Variants in PBX1 observed in about 807,000 individuals in gnomAD.
The protein encoded by PBX1 is pre-B-cell leukemia transcription factor 1.
A neutral mutation model predicts 53.4 loss-of-function variants in PBX1; 6 were observed. The observed-to-expected ratio is 0.11, with a 90% confidence interval of 0.06 to 0.22. The LOEUF is 0.22. PBX1 is among the 10% of genes least tolerant of loss of function. The pLI is 1.00. For synonymous variants in PBX1, 204 were observed against 212.3 expected, an observed-to-expected ratio of 0.96 and a Z score of 0.34; for missense variants, 251 against 551.4, an observed-to-expected ratio of 0.46 and a Z score of 5.46.
intron 2 of PBX1, among the ~76,000 whole-genome samples, chr1:164,576,546 C>A (rs565326034): frequency 6.6e-6 from 1 of 152,368 alleles, no homozygotes; most frequent in African/African-American, 2.4e-5. Context: ...GCGCGGACCG[C>A]GAAGCCAAGT....
chr1:164,609,619 G>A (rs1357495071), intron 2 of PBX1, among the ~76,000 whole-genome samples: 1 of 151,992 alleles, frequency 6.6e-6, no homozygotes, highest in East Asian at 1.9e-4. Flanking sequence ...TTCTTCTAGA[G>A]TACTAGGGAC....
At chr1:164,607,105 T>A (rs1384851551) in intron 2 of PBX1, among the ~76,000 whole-genome samples, 1 of 152,130 alleles carries the variant, frequency 6.6e-6, no homozygotes, top group African/African-American at 2.4e-5. Context: ...GTAAGTAGAT[T>A]GGGGTCAGAT....
chr1:164,669,789 C>G (rs761852259), intron 2 of PBX1, among the ~76,000 whole-genome samples: 3 of 152,166 alleles, frequency 2.0e-5, no homozygotes, highest in Non-Finnish European at 4.4e-5. Context: ...CCATGTTGGG[C>G]ATTGTCACAG....
intron 2 of PBX1, among the ~76,000 whole-genome samples, chr1:164,723,650 C>T (rs369769853): frequency 2.6e-5 from 4 of 152,284 alleles, no homozygotes; most frequent in South Asian, 2.1e-4. Flanking sequence ...GCCAGCCAGG[C>T]GGCAGAGCCC....
intron 2 of PBX1, among the ~76,000 whole-genome samples, chr1:164,874,899 G>A (rs745614329): frequency 4.6e-5 from 7 of 152,078 alleles, no homozygotes; most frequent in Admixed American, 1.3e-4. Flanking sequence ...GGAAAATGAC[G>A]GACTCATTTG....
At chr1:164,885,403 T>C (rs1672754610) in intron 2 of PBX1, among the ~76,000 whole-genome samples, 2 of 152,166 alleles carry the variant, frequency 1.3e-5, no homozygotes, top group African/African-American at 4.8e-5. Context: ...GAAGCAGGGA[T>C]GGTGGAGTGG....
intron 2 of PBX1, among the ~76,000 whole-genome samples, chr1:164,620,745 C>T (rs1657614214): frequency 6.6e-6 from 1 of 151,746 alleles, no homozygotes; most frequent in South Asian, 2.1e-4. Flanking sequence ...TGCAGTGGTG[C>T]GATCTCGCCT....
intron 2 of PBX1, among the ~76,000 whole-genome samples, chr1:164,598,456 C>T (rs895923994): frequency 6.6e-6 from 1 of 152,108 alleles, no homozygotes; most frequent in Admixed American, 6.5e-5. Flanking sequence ...TTGTGTATCT[C>T]TCCAGTCCAA....
chr1:164,587,513 G>C (rs1655030927), intron 2 of PBX1, among the ~76,000 whole-genome samples: 1 of 151,818 alleles, frequency 6.6e-6, no homozygotes, highest in South Asian at 2.1e-4. Flanking sequence ...CTGCCTCTTT[G>C]TTGTTAGCTG....
At chr1:164,676,681 C>A (rs2101985966) in intron 2 of PBX1, among the ~76,000 whole-genome samples, 1 of 152,332 alleles carries the variant, frequency 6.6e-6, no homozygotes, top group East Asian at 1.9e-4. Flanking sequence ...AGCCCCCTAA[C>A]TTGCTAGCTA....
chr1:164,809,749 A>G (rs1669517834), intron 5 of PBX1, among the ~76,000 whole-genome samples: 2 of 152,148 alleles, frequency 1.3e-5, no homozygotes, highest in Non-Finnish European at 2.9e-5. Flanking sequence ...CAAAACAAAG[A>G]TATGTTGCCC....
At chr1:164,872,899 A>G (rs1471448147) in intron 2 of PBX1, among the ~76,000 whole-genome samples, 9 of 152,184 alleles carry the variant, frequency 5.9e-5, no homozygotes, top group Admixed American at 5.9e-4. Context: ...TTGTCATTTA[A>G]CATATTAGCT....
intron 2 of PBX1, among the ~76,000 whole-genome samples, chr1:164,736,054 C>T (rs1420999464): frequency 6.6e-6 from 1 of 152,084 alleles, no homozygotes; most frequent in Admixed American, 6.5e-5. Context: ...CAAGTCAAAA[C>T]GTTGGGCTCA....
chr1:164,763,728 G>T (rs192738356), intron 2 of PBX1, among the ~76,000 whole-genome samples: 1 of 152,216 alleles, frequency 6.6e-6, no homozygotes, highest in Non-Finnish European at 1.5e-5. Context: ...TGTATTGGGT[G>T]TAATTGTACA....
At chr1:164,603,439 C>G (rs983051781) in intron 2 of PBX1, among the ~76,000 whole-genome samples, 3 of 152,150 alleles carry the variant, frequency 2.0e-5, no homozygotes, top group African/African-American at 4.8e-5. Flanking sequence ...AGAGGACTTT[C>G]ACAGTGCTGG....
chr1:164,623,733 G>A (rs759461428), intron 2 of PBX1, among the ~76,000 whole-genome samples: 1 of 152,192 alleles, frequency 6.6e-6, no homozygotes, highest in Non-Finnish European at 1.5e-5. Flanking sequence ...TTCCTGCAGA[G>A]CCTGCCTTGT....
intron 2 of PBX1, among the ~76,000 whole-genome samples, chr1:164,590,968 G>A (rs368084334): frequency 4.0e-5 from 6 of 151,458 alleles, no homozygotes; most frequent in Non-Finnish European, 7.4e-5. Context: ...CTTCAGCCTC[G>A]TGAGTAGCTG....
At chr1:164,708,110 C>T (rs2102066041) in intron 2 of PBX1, among the ~76,000 whole-genome samples, 1 of 152,236 alleles carries the variant, frequency 6.6e-6, no homozygotes, top group South Asian at 2.1e-4. Context: ...TAGGTGAGGC[C>T]GAGTGACCTC....
intron 2 of PBX1, among the ~76,000 whole-genome samples, chr1:164,681,365 T>C (rs1163946457): frequency 6.6e-6 from 1 of 152,260 alleles, no homozygotes; most frequent in Non-Finnish European, 1.5e-5. Context: ...ATATACATAT[T>C]CATATGTATT....
Sources: allele counts gnomAD v4.1 joint callset (sites outside exome capture counted in the v4.1 genomes callset), GRCh38; gene constraint gnomAD v4.1.1; transcripts MANE v1.5; gene names NCBI Gene and HGNC (gene_info 2026-07-23, HGNC 2026-07-21).